Variants in TMEM132B observed in about 807,000 individuals in gnomAD.
The protein encoded by TMEM132B is transmembrane protein 132B.
A neutral mutation model predicts 90.8 loss-of-function variants in TMEM132B; 18 were observed. The observed-to-expected ratio is 0.20, with a 90% CI of 0.14 to 0.29. The LOEUF (loss-of-function observed/expected upper bound fraction) is 0.29, where lower values mean the gene tolerates loss of function less well. Ranked by LOEUF, TMEM132B falls within the 10% of genes least tolerant of loss-of-function variation. TMEM132B has a pLI of 1.00. For synonymous variants in TMEM132B, 504 were observed against 523.3 expected (o/e 0.96, Z 0.50); for missense variants, 1,096 against 1,326.8 (o/e 0.83, Z 2.70).
intron 4 of TMEM132B, among the ~76,000 whole-genome samples, chr12:125,554,239 T>C (rs1198896129): frequency 2.6e-5 from 4 of 151,408 alleles, no homozygotes; most frequent in East Asian, 1.9e-4. Context: ...CTGGCTAACA[T>C]GGTGAAACCC....
intron 2 of TMEM132B, among the ~76,000 whole-genome samples, chr12:125,378,163 A>G (rs1007589921): frequency 7.2e-5 from 11 of 152,080 alleles, no homozygotes; most frequent in African/African-American, 2.4e-4. Flanking sequence ...TGGGGTCAGG[A>G]AGTAGGTGAG....
rs1163300235 is a variant in TMEM132B at position 125,432,528 on chromosome 12, T to TAG, written c.1106+16889_1106+16890dup. Reference sequence around the variant, plus strand: ...GTGTGTGTGTATATATATATATATATAGAGAGAGAGAGAGAGAGAGAGAGA... The same window carrying TAG: ...GTGTGTGTGTATATATATATATATATAGAGAGAGAGAGAGAGAGAGAGAGAGA... On this transcript the variant is annotated intron_variant, in intron 3 of 8. Coordinates refer to ENST00000682704, the MANE Select transcript of TMEM132B (RefSeq NM_001366854.1). 2.6e-3 allele frequency among the ~76,000 whole-genome samples: 103 copies of TAG among 39,116 alleles called. 20 individuals carry two copies. The highest frequency in any genetic ancestry group is 8.8e-3 in the African/African-American group (71 of 8,056). The allele number at this position is 39,116 out of a possible 152,430, so 25.7% of individuals were successfully genotyped here. A position where few individuals can be genotyped will look rare whatever the true frequency, so the allele number is the denominator to read the frequency against.
chr12:125,443,873 A>G (rs1368917287), intron 3 of TMEM132B, among the ~76,000 whole-genome samples: 2 of 152,142 alleles, frequency 1.3e-5, no homozygotes, highest in African/African-American at 4.8e-5. Flanking sequence ...AATAAAATAG[A>G]AAGCAGTCGT....
chr12:125,214,496 G>A (rs1873390142), intron 1 of TMEM132B, among the ~76,000 whole-genome samples: 1 of 152,194 alleles, frequency 6.6e-6, no homozygotes, highest in South Asian at 2.1e-4. Flanking sequence ...CCCAATCATT[G>A]TGACTCGGGC....
At position 125,575,809 on chromosome 12, in the gene TMEM132B, G is replaced by A. The variant is rs578131322; in HGVS notation, c.1294-8042G>A. On this transcript the variant is annotated intron_variant, in intron 4 of 8. Coordinates refer to ENST00000682704, the MANE Select transcript of TMEM132B (RefSeq NM_001366854.1). ...TCCGGTTATCCCAGCATCATTTGTT[G>A]AAAAAACTATTCTTTCACCATTGAA... Among the ~76,000 whole-genome samples, 5 of 151,996 alleles carry A rather than the reference G, an allele frequency of 3.3e-5. No homozygotes were observed. The South Asian group carries it at 1.0e-3, about 32-fold the overall frequency.
intron 3 of TMEM132B, among the ~76,000 whole-genome samples, chr12:125,511,942 TTGAGGTGAGGGTTCACCACCAAGTCCAGC>T (rs1336959785): frequency 6.6e-6 from 1 of 151,814 alleles, no homozygotes; most frequent in African/African-American, 2.4e-5. Context: ...CCTCATCCAG[TTGAGGTGAGGGTTCACCACCAAGTCCAGC>T]CCATGGCTAG....
intron 4 of TMEM132B, among the ~76,000 whole-genome samples, chr12:125,549,949 T>G (rs951741445): frequency 6.6e-6 from 1 of 152,172 alleles, no homozygotes; most frequent in Non-Finnish European, 1.5e-5. Context: ...ACCATCCTTC[T>G]CTCCCTGCTT....
In TMEM132B at chr12:125,657,941, T is replaced by C. The variant is rs2137067222; in HGVS notation, c.*3231T>C. ...TGCAGTAGAGGGCAGAGCACAGGAA[T>C]CAAGAAGCAGCTGCCACACCAAAGA... is the stretch of plus-strand genomic sequence containing the variant. On this transcript the variant is annotated 3_prime_UTR_variant, in exon 9 of 9. Coordinates refer to ENST00000682704, the MANE Select transcript of TMEM132B (RefSeq NM_001366854.1). The C allele has an allele frequency of 6.6e-6, 1 of 152,324 alleles. No homozygotes were observed. Among genetic ancestry groups the C allele is most frequent in the South Asian group, 2.1e-4 (1 of 4,830 alleles). The allele number at this position is 152,324 out of a possible 1,614,324, so 9.4% of individuals were successfully genotyped here. A position where few individuals can be genotyped will look rare whatever the true frequency, so the allele number is the denominator to read the frequency against.
At chr12:125,214,472 G>A (rs1239879902) in intron 1 of TMEM132B, among the ~76,000 whole-genome samples, 3 of 152,206 alleles carry the variant, frequency 2.0e-5, no homozygotes, top group South Asian at 2.1e-4. Context: ...AGTAGGTCAC[G>A]TGACAATCCT....
chr12:125,494,727 G>GGAA (rs1882487319), intron 3 of TMEM132B, among the ~76,000 whole-genome samples: 8 of 110,542 alleles, frequency 7.2e-5, no homozygotes, highest in South Asian at 3.1e-4. Flanking sequence ...CCTCCTCCCT[G>GGAA]GAAATGGATG....
At chr12:125,367,740 A>G (rs938256700) in intron 2 of TMEM132B, among the ~76,000 whole-genome samples, 1 of 152,134 alleles carries the variant, frequency 6.6e-6, no homozygotes, top group African/African-American at 2.4e-5. Context: ...TTTACTCTCT[A>G]GTGCCTTTGG....
At chr12:125,238,908 C>G (rs1296484806) in intron 1 of TMEM132B, among the ~76,000 whole-genome samples, 1 of 152,124 alleles carries the variant, frequency 6.6e-6, no homozygotes, top group African/African-American at 2.4e-5. Flanking sequence ...AGCAGAACCC[C>G]ACACCAACCC....
intron 1 of TMEM132B, among the ~76,000 whole-genome samples, chr12:125,334,890 C>G (rs1489522841): frequency 3.3e-5 from 5 of 152,352 alleles, no homozygotes; most frequent in Non-Finnish European, 1.5e-5. Context: ...AGCATGGCAG[C>G]ATAGCGTTAA....
intron 2 of TMEM132B, among the ~76,000 whole-genome samples, chr12:125,412,805 C>T (rs565346510): frequency 6.6e-6 from 1 of 152,196 alleles, no homozygotes; most frequent in African/African-American, 2.4e-5. Context: ...TGGCTGGGGG[C>T]AGGGACAGAA....
At chr12:125,204,172 C>A (rs1593040392) in intron 1 of TMEM132B, among the ~76,000 whole-genome samples, 1 of 152,062 alleles carries the variant, frequency 6.6e-6, no homozygotes, top group Non-Finnish European at 1.5e-5. Context: ...TCAATGAGGG[C>A]TCCATGTACC....
At chr12:125,486,374 A>G (rs1882203137) in intron 3 of TMEM132B, among the ~76,000 whole-genome samples, 1 of 152,188 alleles carries the variant, frequency 6.6e-6, no homozygotes, top group South Asian at 2.1e-4. Context: ...TATGGTGTTA[A>G]ACTGCCTGGG....
intron 5 of TMEM132B, among the ~76,000 whole-genome samples, chr12:125,593,882 A>G (rs1194199326): frequency 1.3e-5 from 2 of 152,172 alleles, no homozygotes; most frequent in Non-Finnish European, 2.9e-5. Flanking sequence ...CACCTCTACT[A>G]TTTTTCTTTG....
intron 1 of TMEM132B, among the ~76,000 whole-genome samples, chr12:125,286,978 C>T (rs1393286104): frequency 1.3e-5 from 2 of 151,458 alleles, no homozygotes; most frequent in African/African-American, 4.9e-5. Context: ...GCTGGGATTA[C>T]AGGCGTGAGC....
At chr12:125,487,162 A>G (rs775177420) in intron 3 of TMEM132B, among the ~76,000 whole-genome samples, 3 of 152,200 alleles carry the variant, frequency 2.0e-5, no homozygotes, top group Admixed American at 1.3e-4. Context: ...TTTGTTTATT[A>G]TAACAGGTAC....
Sources: gnomAD v4.1 joint callset for allele counts (sites outside exome capture counted in the v4.1 genomes callset) on GRCh38, gnomAD v4.1.1 for gene constraint, MANE v1.5 for transcripts, NCBI Gene and HGNC (gene_info 2026-07-23, HGNC 2026-07-21) for gene names.